The following ANKUB1 variants were observed in gnomAD, a reference collection of about 807,000 sequenced individuals.
ANKUB1 encodes protein ANKUB1.
A neutral mutation model predicts 49.3 loss-of-function variants in ANKUB1; 42 were observed. The observed-to-expected ratio is 0.85, with a 90% CI of 0.67 to 1.10. The LOEUF (loss-of-function observed/expected upper bound fraction) is 1.10, where lower values mean the gene tolerates loss of function less well. Ranked by LOEUF, ANKUB1 falls within the 50% of genes least tolerant of loss-of-function variation. The pLI, the probability that ANKUB1 is intolerant of heterozygous loss-of-function variation, is 0.00. For missense variants in ANKUB1, 613 were observed against 642.0 expected (o/e 0.95, Z 0.49); for synonymous variants, 222 against 231.0 (o/e 0.96, Z 0.35).
chr3:149,784,926 C>T (rs775844756), intron 2 of ANKUB1, among the ~76,000 whole-genome samples: 1 of 152,134 alleles, frequency 6.6e-6, no homozygotes, highest in Non-Finnish European at 1.5e-5. Flanking sequence ...TATTTATGTA[C>T]AGCCTACTAT....
rs1234914385 is a variant in ANKUB1 at position 149,790,852 on chromosome 3, C to G, written c.163G>C (p.Ala55Pro). Reference protein sequence around the residue: ...RYLELMYAGAALKDSWSLADV... With the variant: ...RYLELMYAGAPLKDSWSLADV... ...GCAAGACTCCAACTGTCCTTTAGAG[C>G]AGCTCCAGCATACATTAACTCCAGA... The change falls in exon 2 of 6, where the codon GCT (alanine) becomes CCT (proline). Residue 55 changes from alanine to proline, a missense_variant. Ala to Pro is a conservative substitution (Grantham distance 27, BLOSUM62 -1). Transcript: ENST00000446160. 3 of 1,551,964 alleles carry G rather than the reference C, an allele frequency of 1.9e-6. No homozygotes were observed. In the South Asian group the frequency reaches 3.6e-5, roughly 18 times the overall value.
At chr3:149,766,264 A>G (rs1245485393) in intron 5 of ANKUB1, among the ~76,000 whole-genome samples, 1 of 152,206 alleles carries the variant, frequency 6.6e-6, no homozygotes, top group Non-Finnish European at 1.5e-5. Context: ...TGTCCAATAC[A>G]GATCTCACCC....
intron 3 of ANKUB1, among the ~76,000 whole-genome samples, chr3:149,774,207 T>C (rs1355564124): frequency 1.3e-5 from 2 of 152,206 alleles, no homozygotes; most frequent in East Asian, 3.9e-4. Flanking sequence ...TCCTAATCTC[T>C]GGGGTTAGAT....
intron 3 of ANKUB1, among the ~76,000 whole-genome samples, chr3:149,775,560 T>G (rs1197148421): frequency 1.3e-5 from 2 of 152,112 alleles, no homozygotes; most frequent in Non-Finnish European, 2.9e-5. Context: ...GATTTCAGGA[T>G]CTGAGCTGAC....
chr3:149,763,739 C>T (rs1488777494), intron 5 of ANKUB1, among the ~76,000 whole-genome samples: 3 of 152,146 alleles, frequency 2.0e-5, no homozygotes, highest in Non-Finnish European at 2.9e-5. Flanking sequence ...AGCCTACTGA[C>T]GTCTAGGCTG....
chr3:149,761,697 G>T, intron 5 of ANKUB1, 84 bp from the exon 6 acceptor site: 1 of 1,434,244 alleles, frequency 7.0e-7, no homozygotes, highest in South Asian at 1.4e-5. Context: ...TCTTCAGGTT[G>T]ATTTTGTAGC....
rs1717066293 is a variant in ANKUB1 at position 149,767,213 on chromosome 3, T to G, written c.1449A>C (p.Leu483Phe). ...CCCATGGAGTCTTCCCACTGTGCTC[T>G]AAGAAAGATGAGAAGGAGGACTTCA... Reference protein sequence around the residue: ...FLLKSSFSSFLEHSGKTPWEN... With the variant: ...FLLKSSFSSFFEHSGKTPWEN... Residue 483 changes from leucine to phenylalanine, a missense_variant, in exon 5 of 6, where the codon TTA (leucine) becomes TTC (phenylalanine). By Grantham distance (22) the Leu-to-Phe change is conservative (BLOSUM62 0). Transcript: ENST00000446160. 2 of 1,549,896 alleles carry G rather than the reference T, an allele frequency of 1.3e-6. No homozygotes were observed. The highest frequency in any genetic ancestry group is 2.7e-5 in the African/African-American group (2 of 72,910).
At position 149,761,364 on chromosome 3, in the gene ANKUB1, T is replaced by C; in HGVS notation, c.*120A>G. On this transcript the variant is annotated 3_prime_UTR_variant, in exon 6 of 6. Coordinates refer to ENST00000446160, the MANE Select transcript of ANKUB1 (RefSeq NM_001144960.3). ...GTGTTAAATATCCTATTAAAAGTTA[T>C]GTGGCATTATAACTGTTACTAGAGA... 1 of 1,175,358 alleles carries C rather than the reference T, an allele frequency of 8.5e-7. No individual in the cohort carries two copies. Among genetic ancestry groups the C allele is most frequent in the Non-Finnish European group, 1.2e-6 (1 of 855,530 alleles). 72.8% of individuals were successfully genotyped at this position (1,175,358 alleles called of 1,614,324 possible).
chr3:149,764,226 A>G lies in ANKUB1; in HGVS notation c.1506-2613T>C, dbSNP rs1211085400. ...ACCTGACTGCCTGCCTTGACTGTCT[A>G]CTTCAGGTAGATGTAAGTGCTTTTG... On this transcript the variant is annotated intron_variant, in intron 5 of 5. Transcript: ENST00000446160. Among the ~76,000 whole-genome samples the G allele has an allele frequency of 3.3e-5, 5 of 152,204 alleles. No homozygotes were observed. The East Asian group carries it at 5.8e-4, about 18-fold the overall frequency.
At chr3:149,766,905 T>A (rs1559861452) in intron 5 of ANKUB1, 5 of 1,152,950 alleles carry the variant, frequency 4.3e-6, no homozygotes, top group Admixed American at 4.0e-5. Flanking sequence ...ATTGATACAA[T>A]TCTTTCTACT....
At chr3:149,765,885 C>T (rs1338047622) in intron 5 of ANKUB1, among the ~76,000 whole-genome samples, 1 of 152,190 alleles carries the variant, frequency 6.6e-6, no homozygotes, top group Non-Finnish European at 1.5e-5. Flanking sequence ...TTGTCAACCT[C>T]ACTCTGTTGG....
chr3:149,770,349 T>A (rs1576671293), intron 4 of ANKUB1, among the ~76,000 whole-genome samples: 1 of 152,296 alleles, frequency 6.6e-6, no homozygotes, highest in Middle Eastern at 3.4e-3. Flanking sequence ...AAAGTCTACC[T>A]GAATCGCAAG....
chr3:149,788,450 G>A (rs529107124), intron 2 of ANKUB1, among the ~76,000 whole-genome samples: 9 of 151,324 alleles, frequency 5.9e-5, no homozygotes, highest in South Asian at 2.1e-4. Context: ...TGATCCTCCC[G>A]CCTCAGCCTC....
chr3:149,763,480 A>G (rs1406276718), intron 5 of ANKUB1, among the ~76,000 whole-genome samples: 2 of 152,234 alleles, frequency 1.3e-5, no homozygotes, highest in African/African-American at 4.8e-5. Context: ...ATGCCTTTTT[A>G]AATAAAGAAT....
Position 149,768,040 on chromosome 3 carries a change from T to C in ANKUB1, c.622A>G (p.Thr208Ala), listed in dbSNP as rs1717142863. The change falls in exon 5 of 6, where the codon ACT becomes GCT. Residue 208 changes from threonine (T) to alanine (A), a missense_variant. Coordinates refer to ENST00000446160, the MANE Select transcript of ANKUB1 (RefSeq NM_001144960.3). ...IAAFCGYIEL[T>A]EWALKQGARP... ...GCACCCTGCTTCAGGGCCCATTCAG[T>C]GAGTTCAATGTACCCACAAAAAGCA... is the stretch of plus-strand genomic sequence containing the variant. 1 of 1,468,684 alleles carries C rather than the reference T, an allele frequency of 6.8e-7. No individual in the cohort carries two copies. Among genetic ancestry groups the C allele is most frequent in the Non-Finnish European group, 9.0e-7 (1 of 1,105,250 alleles). The allele number at this position is 1,468,684 out of a possible 1,614,324, so 91.0% of individuals were successfully genotyped here. A position where few individuals can be genotyped will look rare whatever the true frequency, so the allele number is the denominator to read the frequency against.
chr3:149,770,521 C>A (rs576962310), intron 4 of ANKUB1, 39 bp downstream of exon 4: 2 of 1,421,858 alleles, frequency 1.4e-6, no homozygotes, highest in African/African-American at 2.9e-5. Context: ...GTAAAAATCA[C>A]AGCACTTGCT....
intron 2 of ANKUB1, among the ~76,000 whole-genome samples, chr3:149,781,041 G>A (rs1021880550): frequency 4.9e-4 from 72 of 148,222 alleles, no homozygotes; most frequent in Non-Finnish European, 7.4e-4. Context: ...GCCCAGGCTG[G>A]TCTCAAACTC....
chr3:149,783,119 C>T (rs1717940498), intron 2 of ANKUB1: 1 of 152,100 alleles, frequency 6.6e-6, no homozygotes, highest in South Asian at 2.1e-4. Context: ...TGGGAAAACC[C>T]ATTTTGAGTT....
At chr3:149,762,540 C>G (rs1716825653) in intron 5 of ANKUB1, among the ~76,000 whole-genome samples, 2 of 152,176 alleles carry the variant, frequency 1.3e-5, no homozygotes, top group Admixed American at 1.3e-4. Flanking sequence ...TTTTCCCTAA[C>G]TACTGTTGTT....
Sources: gnomAD v4.1 joint callset for allele counts (sites outside exome capture counted in the v4.1 genomes callset) on GRCh38, gnomAD v4.1.1 for gene constraint, MANE v1.5 for transcripts, NCBI Gene and HGNC (gene_info 2026-07-23, HGNC 2026-07-21) for gene names.